Variants in IRGM observed in about 807,000 individuals in gnomAD.
The protein encoded by IRGM is immunity related GTPase M.
For synonymous variants in IRGM, 98 were observed against 80.6 expected, an observed-to-expected ratio of 1.22 and a Z score of -1.16; for missense variants, 288 against 219.9, an observed-to-expected ratio of 1.31 and a Z score of -1.96.
Position 150,880,382 on chromosome 5 carries a change from A to G in IRGM, c.*140+736A>G, listed in dbSNP as rs1406995958. ...ATTGTAGAAATTTATGCTTAAACCG[A>G]AATTAAGAACCTGGGTTTATTTTAG... On this transcript the variant is annotated intron_variant and NMD_transcript_variant, in intron 3 of 3. Coordinates refer to the IRGM transcript ENST00000520549. 2.6e-5 allele frequency among the ~76,000 whole-genome samples: 4 copies of G among 152,206 alleles called. No homozygotes were observed. In the East Asian group the frequency reaches 7.7e-4, roughly 29 times the overall value.
intron 3 of IRGM, among the ~76,000 whole-genome samples, chr5:150,883,330 T>C (rs145489498): frequency 0.015 from 2,271 of 151,844 alleles, 54 homozygotes; most frequent in African/African-American, 0.052. Context: ...AACAACGTAG[T>C]GTTATACCTC....
At chr5:150,891,343 T>C (rs1393914104) in intron 3 of IRGM, among the ~76,000 whole-genome samples, 1 of 152,136 alleles carries the variant, frequency 6.6e-6, no homozygotes, top group East Asian at 1.9e-4. Flanking sequence ...GTGTTTCTTG[T>C]AGGCAGCATA....
chr5:150,891,366 T>A (rs1388443059), intron 3 of IRGM, among the ~76,000 whole-genome samples: 1 of 152,122 alleles, frequency 6.6e-6, no homozygotes, highest in Non-Finnish European at 1.5e-5. Context: ...GTCTCTGCGT[T>A]TTTATCTAAT....
chr5:150,890,238 G>C (rs530210741), intron 3 of IRGM, among the ~76,000 whole-genome samples: 2 of 152,022 alleles, frequency 1.3e-5, no homozygotes, highest in South Asian at 4.1e-4. Flanking sequence ...CTCGAGTAAG[G>C]TGTGGTAGTT....
intron 1 of IRGM, among the ~76,000 whole-genome samples, chr5:150,864,847 T>C (rs1754184631): frequency 6.6e-6 from 1 of 152,182 alleles, no homozygotes; most frequent in Non-Finnish European, 1.5e-5. Context: ...ATAAAGACCA[T>C]GGGACAGGGA....
At chr5:150,869,620 G>C (rs1162964080) in intron 1 of IRGM, among the ~76,000 whole-genome samples, 1 of 151,850 alleles carries the variant, frequency 6.6e-6, no homozygotes, top group Non-Finnish European at 1.5e-5. Flanking sequence ...GGACTTTTTT[G>C]TTGGCAATTT....
chr5:150,864,009 A>C (rs1268073045), intron 1 of IRGM, among the ~76,000 whole-genome samples: 1 of 152,168 alleles, frequency 6.6e-6, no homozygotes, highest in Non-Finnish European at 1.5e-5. Flanking sequence ...AGCCATAGGT[A>C]ACAGCCAGGA....
chr5:150,848,025 TCTC>T lies in IRGM; in HGVS notation c.-96_-94del. The T allele has an allele frequency of 1.1e-6, 1 of 908,724 alleles. No individual in the cohort carries two copies. Among genetic ancestry groups the T allele is most frequent in the Non-Finnish European group, 1.7e-6 (1 of 606,054 alleles). The allele number at this position is 908,724 out of a possible 1,614,324, so 56.3% of individuals were successfully genotyped here. A position where few individuals can be genotyped will look rare whatever the true frequency, so the allele number is the denominator to read the frequency against. On this transcript the variant is annotated 5_prime_UTR_variant, in exon 2 of 2. It introduces an in-frame stop codon into an upstream open reading frame of the 5' UTR. Coordinates refer to ENST00000522154, the MANE Select transcript of IRGM (RefSeq NM_001145805.2). ...ACGATGTTGGCCAGGATGGTCTCAA[TCTC>T]CTGACCTCGTGATCTGCTCGCCTCG... is the stretch of plus-strand genomic sequence containing the variant.
chr5:150,851,994 C>A (rs1256669286), downstream of IRGM, among the ~76,000 whole-genome samples: 1 of 152,110 alleles, frequency 6.6e-6, no homozygotes, highest in Non-Finnish European at 1.5e-5. Flanking sequence ...TAATCTCCTA[C>A]TCAGGCACAA....
downstream of IRGM, among the ~76,000 whole-genome samples, chr5:150,901,799 A>T (rs549654322): frequency 3.3e-5 from 5 of 152,246 alleles, no homozygotes; most frequent in African/African-American, 1.2e-4. Context: ...CCAGGCCACA[A>T]GGAAATATTA....
At chr5:150,854,722 C>T (rs1163345279) in intron 1 of IRGM, among the ~76,000 whole-genome samples, 3 of 152,188 alleles carry the variant, frequency 2.0e-5, no homozygotes, top group Non-Finnish European at 4.4e-5. Context: ...AGTCTGTTTT[C>T]GCTTGCTGCT....
At position 150,885,531 on chromosome 5, in the gene IRGM, T is replaced by C. The variant is rs149304056; in HGVS notation, c.*140+5885T>C. Among the ~76,000 whole-genome samples the C allele has an allele frequency of 1.8e-3, 279 of 152,236 alleles. 1 individual carries two copies. The highest frequency in any genetic ancestry group is 6.5e-3 in the African/African-American group (269 of 41,560). On this transcript the variant is annotated intron_variant and NMD_transcript_variant, in intron 3 of 3. Coordinates refer to the IRGM transcript ENST00000520549. ...GGGAAGTACGCCCATTTTAATGATA[T>C]TATTTTTATCCATGAGCATGGGATG... is the stretch of plus-strand genomic sequence containing the variant.
intron 3 of IRGM, among the ~76,000 whole-genome samples, chr5:150,881,484 G>A (rs939784938): frequency 1.3e-5 from 2 of 152,018 alleles, no homozygotes; most frequent in Non-Finnish European, 2.9e-5. Flanking sequence ...GCTAAAGAGA[G>A]TTATTCAAGC....
At chr5:150,886,255 A>G (rs1011592446) in intron 3 of IRGM, among the ~76,000 whole-genome samples, 1 of 152,108 alleles carries the variant, frequency 6.6e-6, no homozygotes, top group Non-Finnish European at 1.5e-5. Context: ...AATGAAGCCT[A>G]CTTGATCGTG....
At chr5:150,878,061 C>A (rs1338424289) in exon 2 of IRGM, 2 of 460,570 alleles carry the variant, frequency 4.3e-6, no homozygotes, top group East Asian at 6.9e-5. Context: ...AAAAGCAAGA[C>A]AAAGAAATAC....
At chr5:150,862,772 G>A (rs1376649044) in intron 1 of IRGM, among the ~76,000 whole-genome samples, 1 of 152,146 alleles carries the variant, frequency 6.6e-6, no homozygotes, top group Non-Finnish European at 1.5e-5. Context: ...TAAACTAAGA[G>A]ATACAAGAAG....
At chr5:150,853,259 T>C (rs1385437404), downstream of IRGM, among the ~76,000 whole-genome samples, 2 of 152,184 alleles carry the variant, frequency 1.3e-5, no homozygotes, top group African/African-American at 4.8e-5. Context: ...CTTCTGATAT[T>C]TTCAGTTTTA....
chr5:150,863,182 G>C (rs925788392), intron 1 of IRGM, among the ~76,000 whole-genome samples: 25 of 152,212 alleles, frequency 1.6e-4, no homozygotes, highest in African/African-American at 6.0e-4. Flanking sequence ...TAGAAAGAGA[G>C]ACATCTGTGA....
intron 3 of IRGM, chr5:150,895,526 A>G: frequency 6.2e-7 from 1 of 1,613,600 alleles, no homozygotes; most frequent in Non-Finnish European, 8.5e-7. Flanking sequence ...TTTCCCCAGT[A>G]TGAATCCTCT....
Sources: gnomAD v4.1 joint callset for allele counts (sites outside exome capture counted in the v4.1 genomes callset) on GRCh38, gnomAD v4.1.1 for gene constraint, MANE v1.5 for transcripts, NCBI Gene and HGNC (gene_info 2026-07-23, HGNC 2026-07-21) for gene names.